IARS2: variants seen among roughly 807,000 people sequenced by gnomAD.
IARS2 encodes isoleucine--tRNA ligase, mitochondrial.
IARS2 carries 56 observed loss-of-function variants against 126.3 expected under a neutral mutation model. That is an observed-to-expected ratio of 0.44 (90% CI 0.36 to 0.55). IARS2 has a LOEUF of 0.55. Among genes scored for constraint, IARS2 ranks in the 20% least tolerant of loss-of-function variants. IARS2 has a pLI of 0.00. For synonymous variants in IARS2, 407 were observed against 441.1 expected, an observed-to-expected ratio of 0.92 and a Z score of 0.97; for missense variants, 1,127 against 1,245.9, an observed-to-expected ratio of 0.90 and a Z score of 1.44.
At chr1:220,136,668 A>G in intron 15 of IARS2, 141 bp from the exon 16 acceptor site, 1 of 507,864 alleles carries the variant, frequency 2.0e-6, no homozygotes, top group Non-Finnish European at 3.4e-6. Flanking sequence ...AAGAAAAGAA[A>G]AGAAAAGGTT....
In IARS2 at chr1:220,100,664, T is replaced by A; in HGVS notation, c.550+15T>A. ...TAGAAAGAAAGGTAAATAATCTGTA[T>A]TTCTGTTTTAAAATGATATTTGTAA... On this transcript the variant is annotated intron_variant, in intron 3 of 22. Coordinates refer to ENST00000366922, the MANE Select transcript of IARS2 (RefSeq NM_018060.4). 1 of 1,581,416 alleles carries A rather than the reference T, an allele frequency of 6.3e-7. No homozygotes were observed. The highest frequency in any genetic ancestry group is 8.7e-7 in the Non-Finnish European group (1 of 1,156,008).
Position 220,138,006 on chromosome 1 carries a change from C to T in IARS2, c.2138C>T (p.Pro713Leu). 2 of 1,614,110 alleles carry T rather than the reference C, an allele frequency of 1.2e-6. No individual in the cohort carries two copies. The highest frequency in any genetic ancestry group is 1.3e-5 in the African/African-American group (1 of 75,040). The change falls in exon 17 of 23, where the codon CCA becomes CTA. Residue 713 changes from proline to leucine, a missense_variant. Physicochemically the swap from Pro to Leu is moderately conservative, Grantham distance 98. Transcript: ENST00000366922. ...GTCTTCACCGAAGTTGCAATTGGCC[C>T]ATCCGTGCTCAATGCTGCCAGAGAT... The part of the protein sequence containing the change: ...SNVFTEVAIG[P>L]SVLNAARDDI...
chr1:220,100,672 T>A, intron 3 of IARS2, 23 bp downstream of exon 3: 1 of 1,566,200 alleles, frequency 6.4e-7, no homozygotes, highest in Non-Finnish European at 8.7e-7. Flanking sequence ...TATTTCTGTT[T>A]TAAAATGATA....
Position 220,147,576 on chromosome 1 carries a change from A to ATTAC in IARS2, c.2980_2981insTTAC (p.Thr994IlefsTer37). 1.2e-6 allele frequency: 2 copies of ATTAC among 1,614,168 alleles called. No homozygotes were observed. The highest frequency in any genetic ancestry group is 1.7e-6 in the Non-Finnish European group (2 of 1,180,004). ...AAAATGCCCCCGTTGTTGGAAGTATACAGCGGAGTCTTCAGATACACTGTG... is the reference window on the plus strand; with the variant it reads ...AAAATGCCCCCGTTGTTGGAAGTATATTACCAGCGGAGTCTTCAGATACACTGTG... On this transcript the variant is annotated frameshift_variant, in exon 23 of 23. Transcript: ENST00000366922. LOFTEE classifies it high-confidence loss of function.
chr1:220,108,175 C>T (rs1273287463), intron 10 of IARS2, among the ~76,000 whole-genome samples: 1 of 150,544 alleles, frequency 6.6e-6, no homozygotes, highest in Non-Finnish European at 1.5e-5. Flanking sequence ...ATTCTCTTGC[C>T]TCAGCCTCCC....
chr1:220,128,706 T>A, intron 14 of IARS2, among the ~76,000 whole-genome samples: 1 of 152,184 alleles, frequency 6.6e-6, no homozygotes, highest in East Asian at 1.9e-4. Flanking sequence ...TGAGGTATAG[T>A]GTATTTCAAA....
In IARS2 at chr1:220,102,395, T is replaced by A. The variant is rs756393373; in HGVS notation, c.732T>A (p.Phe244Leu). ...GLVYRSYKPVFWSPSSRTALA... is the reference protein window; with the variant it reads ...GLVYRSYKPVLWSPSSRTALA... ...TTTATCGATCTTACAAACCTGTGTT[T>A]TGGTCTCCGTCATCTAGGTATATAT... Residue 244 changes from phenylalanine to leucine, a missense_variant, in exon 5 of 23, where the codon TTT (phenylalanine) becomes TTA (leucine). Coordinates refer to ENST00000366922, the MANE Select transcript of IARS2 (RefSeq NM_018060.4). The A allele has an allele frequency of 1.9e-6, 3 of 1,613,790 alleles. No individual in the cohort carries two copies. The Admixed American group carries it at 5.0e-5, about 27-fold the overall frequency.
intron 12 of IARS2, among the ~76,000 whole-genome samples, chr1:220,119,191 T>A (rs1656987376): frequency 6.6e-6 from 1 of 152,124 alleles, no homozygotes; most frequent in African/African-American, 2.4e-5. Flanking sequence ...TTGGCTGATG[T>A]CATAGTTGCT....
At chr1:220,112,125 T>C (rs1656816232) in intron 11 of IARS2, among the ~76,000 whole-genome samples, 1 of 96,706 alleles carries the variant, frequency 1.0e-5, no homozygotes, top group South Asian at 3.8e-4. Context: ...GACCACCTAC[T>C]TTTTTTTTTT....
Position 220,137,942 on chromosome 1 carries a change from G to T in IARS2, c.2074G>T (p.Gly692Cys), listed in dbSNP as rs1311244094. The change falls in exon 17 of 23, where the codon GGT becomes TGT. Residue 692 changes from glycine (G) to cysteine (C), a missense_variant. Transcript: ENST00000366922. ...GQDQSKEPPY[G>C]ADVLRWWVAD... ...GGATCAAAGCAAAGAGCCTCCGTAT[G>T]GTGCTGATGTCCTTCGCTGGTGGGT... 1 of 1,613,972 alleles carries T rather than the reference G, an allele frequency of 6.2e-7. No individual in the cohort carries two copies. Among genetic ancestry groups the T allele is most frequent in the Non-Finnish European group, 8.5e-7 (1 of 1,180,014 alleles).
At chr1:220,137,867 T>C in intron 16 of IARS2, 51 bp from the exon 17 acceptor site, 1 of 1,606,288 alleles carries the variant, frequency 6.2e-7, no homozygotes, top group East Asian at 2.2e-5. Context: ...TTTGTTCGGC[T>C]AATTGGAATT....
chr1:220,125,223 C>G lies in IARS2; in HGVS notation c.1641-14C>G. On this transcript the variant is annotated splice_polypyrimidine_tract_variant and intron_variant, in intron 12 of 22. Coordinates refer to ENST00000366922, the MANE Select transcript of IARS2 (RefSeq NM_018060.4). Reference sequence around the variant, plus strand: ...AGTTAATTGAATAATTCTGCCATGTCCCCCCTGAAATAGCCAAACCACTGA... The same window carrying G: ...AGTTAATTGAATAATTCTGCCATGTGCCCCCTGAAATAGCCAAACCACTGA... 1.3e-6 allele frequency: 2 copies of G among 1,494,220 alleles called. No homozygotes were observed. Among genetic ancestry groups the G allele is most frequent in the Non-Finnish European group, 1.9e-6 (2 of 1,080,134 alleles). 92.6% of individuals were successfully genotyped at this position (1,494,220 alleles called of 1,614,324 possible).
chr1:220,118,153 C>T (rs372087380), intron 12 of IARS2: 17 of 499,450 alleles, frequency 3.4e-5, no homozygotes, highest in Non-Finnish European at 7.1e-5. Flanking sequence ...TATATTGTAG[C>T]AAGTTGGTAA....
chr1:220,133,296 G>A (rs538319699), intron 14 of IARS2, among the ~76,000 whole-genome samples: 5 of 152,212 alleles, frequency 3.3e-5, no homozygotes, highest in Middle Eastern at 3.4e-3. Flanking sequence ...ACGAGACACT[G>A]CACCCGGCCC....
chr1:220,139,872 C>T (rs551262110), intron 18 of IARS2, among the ~76,000 whole-genome samples: 11 of 152,290 alleles, frequency 7.2e-5, no homozygotes, highest in African/African-American at 2.6e-4. Flanking sequence ...AATGAAGGAA[C>T]ACTAATGAAT....
At position 220,134,525 on chromosome 1, in the gene IARS2, C is replaced by T. The variant is rs375778509; in HGVS notation, c.1946+15C>T. The T allele has an allele frequency of 9.9e-6, 15 of 1,517,056 alleles. No individual in the cohort carries two copies. Among genetic ancestry groups the T allele is most frequent in the Admixed American group, 1.7e-5 (1 of 57,574 alleles). 94.0% of individuals were successfully genotyped at this position (1,517,056 alleles called of 1,614,324 possible). ...GCACCTTATAAGTAAGTATTTATGC[C>T]TGAACCAACCTGCTGAGTACCTGCC... On this transcript the variant is annotated intron_variant, in intron 15 of 22. Coordinates refer to ENST00000366922, the MANE Select transcript of IARS2 (RefSeq NM_018060.4).
intron 12 of IARS2, among the ~76,000 whole-genome samples, chr1:220,120,025 G>C (rs1296623985): frequency 1.3e-5 from 2 of 150,210 alleles, no homozygotes; most frequent in African/African-American, 4.9e-5. Context: ...TCAAGTTTGT[G>C]GGTTATATGT....
intron 17 of IARS2, 86 bp downstream of exon 17, chr1:220,138,129 GA>G (rs1266811483): frequency 5.0e-6 from 7 of 1,397,420 alleles, no homozygotes; most frequent in South Asian, 4.8e-5. Flanking sequence ...GTTTGGAACT[GA>G]AAAAAACTGA....
chr1:220,130,596 C>T lies in IARS2; in HGVS notation c.1837+3753C>T, dbSNP rs1348240979. Among the ~76,000 whole-genome samples the T allele has an allele frequency of 8.5e-5, 13 of 152,180 alleles. 1 individual carries two copies. Among genetic ancestry groups the T allele is most frequent in the East Asian group, 3.9e-4 (2 of 5,178 alleles). ...TTTTTGAGACAGAGTCTCGCTCTGT[C>T]GCCCAGGCTGGAGTGCAGTGGCACG... is the stretch of plus-strand genomic sequence containing the variant. On this transcript the variant is annotated intron_variant, in intron 14 of 22. Transcript: ENST00000366922.
Sources: gnomAD v4.1 joint callset for allele counts (sites outside exome capture counted in the v4.1 genomes callset) on GRCh38, gnomAD v4.1.1 for gene constraint, MANE v1.5 for transcripts, NCBI Gene and HGNC (gene_info 2026-07-23, HGNC 2026-07-21) for gene names.